ZSWIM6: variants seen among roughly 807,000 people sequenced by gnomAD.
The protein encoded by ZSWIM6 is zinc finger SWIM-type containing 6, also known as zinc finger SWIM domain-containing protein 6.
ZSWIM6 carries 9 observed loss-of-function variants against 113.2 expected under a neutral mutation model. That is an observed-to-expected ratio of 0.08 (90% confidence interval 0.05 to 0.14). ZSWIM6 has a LOEUF of 0.14. Among genes scored for constraint, ZSWIM6 ranks in the 10% least tolerant of loss-of-function variants. ZSWIM6 has a pLI of 1.00. For missense variants in ZSWIM6, 1,162 were observed against 1,552.2 expected (o/e 0.75, Z 4.22); for synonymous variants, 611 against 606.5 (o/e 1.01, Z -0.11).
chr5:61,513,963 A>G (rs1017410074), intron 4 of ZSWIM6, among the ~76,000 whole-genome samples: 4 of 152,100 alleles, frequency 2.6e-5, no homozygotes, highest in African/African-American at 9.7e-5. Flanking sequence ...TTGTCACTAT[A>G]CACACAAACA....
chr5:61,415,717 G>A (rs956924227), intron 1 of ZSWIM6, among the ~76,000 whole-genome samples: 1 of 152,090 alleles, frequency 6.6e-6, no homozygotes, highest in Non-Finnish European at 1.5e-5. Context: ...TTCACAAAGG[G>A]CACAGTTAAA....
At chr5:61,411,404 C>G (rs1018803935) in intron 1 of ZSWIM6, among the ~76,000 whole-genome samples, 17 of 152,070 alleles carry the variant, frequency 1.1e-4, no homozygotes, top group African/African-American at 3.9e-4. Flanking sequence ...GAAACAACCC[C>G]CTAATTGGAA....
chr5:61,438,716 C>T (rs1347334812), intron 1 of ZSWIM6, among the ~76,000 whole-genome samples: 2 of 152,122 alleles, frequency 1.3e-5, no homozygotes, highest in South Asian at 2.1e-4. Flanking sequence ...TAAAATAGTA[C>T]GCTTTCTCTG....
chr5:61,402,221 C>G (rs575984654), intron 1 of ZSWIM6, among the ~76,000 whole-genome samples: 1 of 152,088 alleles, frequency 6.6e-6, no homozygotes, highest in Non-Finnish European at 1.5e-5. Context: ...AGCACACATT[C>G]TGTAGAATTA....
chr5:61,530,054 C>G lies in ZSWIM6; in HGVS notation c.1840C>G (p.Leu614Val), dbSNP rs896246605. ...CTCAATTCCCTTTCCTTACACAGAG[C>G]TACCCCATAAAAACATAACCTCGAT... The part of the protein sequence containing the change: ...LEMFRTQKKE[L>V]PHKNITSITN... Residue 614 changes from leucine (L) to valine (V), a missense_variant and splice_region_variant, in exon 8 of 14, where the codon CTA (leucine) becomes GTA (valine). Leu to Val is a conservative substitution (Grantham distance 32, BLOSUM62 1). This residue lies in a region of ZSWIM6 where 620 missense variants were observed against 804.6 expected (regional missense o/e 0.77). Transcript: ENST00000252744. 7 of 1,550,320 alleles carry G rather than the reference C, an allele frequency of 4.5e-6. No homozygotes were observed. Among genetic ancestry groups the G allele is most frequent in the Non-Finnish European group, 6.1e-6 (7 of 1,146,204 alleles).
At chr5:61,431,104 G>A (rs866932249) in intron 1 of ZSWIM6, among the ~76,000 whole-genome samples, 25 of 152,234 alleles carry the variant, frequency 1.6e-4, no homozygotes, top group Admixed American at 3.3e-4. Flanking sequence ...GGGCATGGTG[G>A]CTCACGCCTG....
At chr5:61,527,134 G>C (rs1749306891) in intron 7 of ZSWIM6, among the ~76,000 whole-genome samples, 1 of 152,078 alleles carries the variant, frequency 6.6e-6, no homozygotes, top group South Asian at 2.1e-4. Context: ...AACTATTACT[G>C]AGTAATAGTA....
rs140502029 is a variant in ZSWIM6, at chr5:61,454,214, A to AATTTTATTTTATTTTATTTTATTTT, written c.677-18431_677-18407dup. Among the ~76,000 whole-genome samples, 333 of 128,496 alleles carry AATTTTATTTTATTTTATTTTATTTT rather than the reference A, an allele frequency of 2.6e-3. 2 individuals are homozygous for AATTTTATTTTATTTTATTTTATTTT. The highest frequency in any genetic ancestry group is 0.015 in the Middle Eastern group (4 of 264). The allele number at this position is 128,496 out of a possible 152,430, so 84.3% of individuals were successfully genotyped here. A position where few individuals can be genotyped will look rare whatever the true frequency, so the allele number is the denominator to read the frequency against. ...TCTTTCAGATTGGGAGAGTTCCCTAAATTTTATTTTATTTTATTTTATTTT... is the reference window on the plus strand; with the variant it reads ...TCTTTCAGATTGGGAGAGTTCCCTAAATTTTATTTTATTTTATTTTATTTTATTTTATTTTATTTTATTTTATTTT... On this transcript the variant is annotated intron_variant, in intron 1 of 13. Coordinates refer to ENST00000252744, the MANE Select transcript of ZSWIM6 (RefSeq NM_020928.2).
At chr5:61,490,982 A>G in intron 3 of ZSWIM6, 48 bp downstream of exon 3, 1 of 1,455,360 alleles carries the variant, frequency 6.9e-7, no homozygotes, top group Admixed American at 3.0e-5. Flanking sequence ...ATACATATAT[A>G]GGGACTATCT....
In ZSWIM6 at chr5:61,375,272, G is replaced by T. The variant is rs778287496; in HGVS notation, c.676+42324G>T. ...GAGCAACTAGAAAAGGAAAAGAAAG[G>T]CTCCAAGGCTTTGGCTGAATTTGAA... On this transcript the variant is annotated intron_variant, in intron 1 of 13. Transcript: ENST00000252744. 720 of 1,611,830 alleles carry T rather than the reference G, an allele frequency of 4.5e-4. 2 individuals are homozygous for T. The highest frequency in any genetic ancestry group is 1.7e-4 in the Non-Finnish European group (200 of 1,178,642).
chr5:61,469,000 C>A (rs1747502824), intron 1 of ZSWIM6, among the ~76,000 whole-genome samples: 2 of 152,036 alleles, frequency 1.3e-5, no homozygotes, highest in Non-Finnish European at 2.9e-5. Context: ...AAGGGGAACC[C>A]CCAGCCCCCG....
At chr5:61,405,686 G>A (rs1746029347) in intron 1 of ZSWIM6, among the ~76,000 whole-genome samples, 1 of 152,186 alleles carries the variant, frequency 6.6e-6, no homozygotes, top group South Asian at 2.1e-4. Context: ...TGTAGGCTCT[G>A]TAAAACACAA....
At chr5:61,366,821 TGGG>T (rs900536390) in intron 1 of ZSWIM6, among the ~76,000 whole-genome samples, 2 of 150,328 alleles carry the variant, frequency 1.3e-5, no homozygotes, top group African/African-American at 4.9e-5. Flanking sequence ...CCCAGCTACT[TGGG>T]GGGCTGAGGT....
At chr5:61,374,584 C>T (rs1025373506) in intron 1 of ZSWIM6, among the ~76,000 whole-genome samples, 3 of 152,156 alleles carry the variant, frequency 2.0e-5, no homozygotes, top group African/African-American at 4.8e-5. Flanking sequence ...GATGGAGTCT[C>T]GCTCTGTCGC....
intron 1 of ZSWIM6, among the ~76,000 whole-genome samples, chr5:61,362,016 T>C (rs1745041175): frequency 6.6e-6 from 1 of 152,214 alleles, no homozygotes. Flanking sequence ...CAACATCCTC[T>C]CTTGGTATAC....
chr5:61,507,536 C>G (rs1748657813), intron 4 of ZSWIM6, among the ~76,000 whole-genome samples: 1 of 152,152 alleles, frequency 6.6e-6, no homozygotes, highest in Admixed American at 6.6e-5. Context: ...TTTCTTCTGA[C>G]TTGAATAATC....
intron 1 of ZSWIM6, among the ~76,000 whole-genome samples, chr5:61,405,093 A>G (rs16890807): frequency 0.031 from 4,666 of 152,324 alleles, 227 homozygotes; most frequent in African/African-American, 0.11. Flanking sequence ...GTGAGAGACC[A>G]GTTGAACTTA....
chr5:61,466,421 T>C (rs1241829037), intron 1 of ZSWIM6, among the ~76,000 whole-genome samples: 2 of 152,176 alleles, frequency 1.3e-5, no homozygotes, highest in Non-Finnish European at 2.9e-5. Flanking sequence ...AACATTACAT[T>C]GCCTTGGTTT....
chr5:61,541,823 C>G (rs1035313595), intron 12 of ZSWIM6, 61 bp from the exon 13 acceptor site: 46 of 1,376,996 alleles, frequency 3.3e-5, no homozygotes, highest in South Asian at 2.1e-4. Flanking sequence ...TTTATCCCCC[C>G]CCTTTTTTTT....
Sources: allele counts gnomAD v4.1 joint callset (sites outside exome capture counted in the v4.1 genomes callset), GRCh38; gene constraint gnomAD v4.1.1; regional missense constraint gnomAD v4.1.1; transcripts MANE v1.5; gene names NCBI Gene and HGNC (gene_info 2026-07-23, HGNC 2026-07-21).